OPN4: variants seen among roughly 807,000 people sequenced by gnomAD.
OPN4 encodes melanopsin.
OPN4 carries 43 observed loss-of-function variants against 49.5 expected under a neutral mutation model. The ratio of observed to expected loss-of-function variants is 0.87; its 90% CI spans 0.68 to 1.12. The LOEUF (loss-of-function observed/expected upper bound fraction) is 1.12. Among genes scored for constraint, OPN4 ranks in the 50% most tolerant of loss-of-function variants. The pLI is 0.00. For synonymous variants in OPN4, 263 were observed against 258.0 expected, an observed-to-expected ratio of 1.02 and a Z score of -0.19; for missense variants, 657 against 643.9, an observed-to-expected ratio of 1.02 and a Z score of -0.22.
chr10:86,665,817 C>A lies in OPN4; in HGVS notation c.*66C>A. On this transcript the variant is annotated 3_prime_UTR_variant, in exon 10 of 10. Transcript: ENST00000241891. ...CCCCCCCACGTCTCCCTCATATACA[C>A]AGACCCAGGATTATGCTGTGAGCCT... 1.6e-6 allele frequency: 2 copies of A among 1,261,112 alleles called. No individual in the cohort carries two copies. Among genetic ancestry groups the A allele is most frequent in the Non-Finnish European group, 2.3e-6 (2 of 866,088 alleles). 78.1% of individuals were successfully genotyped at this position (1,261,112 alleles called of 1,614,324 possible). A position where few individuals can be genotyped will look rare whatever the true frequency, so the allele number is the denominator to read the frequency against.
rs762195738 is a variant in OPN4 at position 86,659,487 on chromosome 10, G to C, written c.800+19G>C. On this transcript the variant is annotated intron_variant, in intron 5 of 9. Coordinates refer to ENST00000241891, the MANE Select transcript of OPN4 (RefSeq NM_033282.4). ...CAGGACGGTAAGAGCCGAGCATGGA[G>C]GGGGGCTACAGGAGGGGGACCGGCC... 6 of 1,611,750 alleles carry C rather than the reference G, an allele frequency of 3.7e-6. No homozygotes were observed. In the African/African-American group the frequency reaches 8.0e-5, roughly 22 times the overall value.
intron 9 of OPN4, among the ~76,000 whole-genome samples, chr10:86,664,988 G>A (rs1399406409): frequency 6.6e-6 from 1 of 152,220 alleles, no homozygotes; most frequent in Non-Finnish European, 1.5e-5. Flanking sequence ...AGTCCCTGAG[G>A]TTCCCCAGGA....
At position 86,665,726 on chromosome 10, in the gene OPN4, T is replaced by A. The variant is rs1458719328; in HGVS notation, c.1412T>A (p.Ile471Asn). The A allele has an allele frequency of 6.2e-7, 1 of 1,612,602 alleles. No homozygotes were observed. Among genetic ancestry groups the A allele is most frequent in the South Asian group, 1.1e-5 (1 of 91,066 alleles). The change falls in exon 10 of 10, where the codon ATC becomes AAC. Residue 471 changes from isoleucine (I) to asparagine (N), a missense_variant. Physicochemically the swap from Ile to Asn is moderately radical, Grantham distance 149 (BLOSUM62 -3). Coordinates refer to ENST00000241891, the MANE Select transcript of OPN4 (RefSeq NM_033282.4). Reference sequence around the variant, plus strand: ...GTTTGTTTGCAGACCAAGGGGCTGATCCCCAGCCAGGACCCCAGGATGTAG... The same window carrying A: ...GTTTGTTTGCAGACCAAGGGGCTGAACCCCAGCCAGGACCCCAGGATGTAG... ...AETPGKTKGL[I>N]PSQDPRM
intron 6 of OPN4, among the ~76,000 whole-genome samples, chr10:86,660,362 A>G (rs1024501814): frequency 1.3e-5 from 2 of 152,140 alleles, no homozygotes; most frequent in African/African-American, 4.8e-5. Flanking sequence ...CCCTCTCTGC[A>G]TGGGCTGTGG....
At chr10:86,661,496 C>A in intron 7 of OPN4, 108 bp downstream of exon 7, 1 of 783,196 alleles carries the variant, frequency 1.3e-6, no homozygotes, top group Non-Finnish European at 2.0e-6. Context: ...AGAATGGGGG[C>A]CACCAGCAGC....
In OPN4 at chr10:86,663,796, A is replaced by G; in HGVS notation, c.1392A>G (p.Pro464=). 1 of 1,552,252 alleles carries G rather than the reference A, an allele frequency of 6.4e-7. No individual in the cohort carries two copies. The highest frequency in any genetic ancestry group is 8.7e-7 in the Non-Finnish European group (1 of 1,147,954). The change falls in exon 9 of 10, where the codon CCA becomes CCG. Residue 464 remains proline, a synonymous_variant. Transcript: ENST00000241891. The part of the protein sequence containing the change: ...PRPQGHEAET[P]GKTKGLIPSQ... ...CCCAGGGACACGAAGCAGAGACTCC[A>G]GGGAAGGTGACTGGGCCCGGTACCT...
intron 3 of OPN4, 99 bp from the exon 4 acceptor site, chr10:86,658,385 G>A (rs944296822): frequency 2.0e-5 from 27 of 1,360,758 alleles, no homozygotes; most frequent in Middle Eastern, 1.8e-4. Context: ...GGTGGAGTGC[G>A]CTCAGTCCTG....
rs149522959 is a variant in OPN4, at chr10:86,666,070, A to G, written c.*319A>G. On this transcript the variant is annotated 3_prime_UTR_variant, in exon 10 of 10. Coordinates refer to ENST00000241891, the MANE Select transcript of OPN4 (RefSeq NM_033282.4). ...GCTGTGTGCTGCAATTGTCCAGGCG[A>G]TGACAATGGTGATGGCTCCAGAGAA... The G allele has an allele frequency of 1.0e-3, 392 of 392,976 alleles. 2 individuals carry two copies. The East Asian group carries it at 0.019, about 19-fold the overall frequency. 24.3% of individuals were successfully genotyped at this position (392,976 alleles called of 1,614,324 possible). A position where few individuals can be genotyped will look rare whatever the true frequency, so the allele number is the denominator to read the frequency against.
At position 86,665,905 on chromosome 10, in the gene OPN4, C is replaced by A; in HGVS notation, c.*154C>A. 1 of 634,728 alleles carries A rather than the reference C, an allele frequency of 1.6e-6. No homozygotes were observed. Among genetic ancestry groups the A allele is most frequent in the Non-Finnish European group, 2.8e-6 (1 of 359,740 alleles). 39.3% of individuals were successfully genotyped at this position (634,728 alleles called of 1,614,324 possible). A position where few individuals can be genotyped will look rare whatever the true frequency, so the allele number is the denominator to read the frequency against. ...GGGATTCACAGCCCCAGCCCCATGG[C>A]CCCTCTCCACACCTCAAAACTCCTG... is the stretch of plus-strand genomic sequence containing the variant. On this transcript the variant is annotated 3_prime_UTR_variant, in exon 10 of 10. Transcript: ENST00000241891.
At chr10:86,665,367 G>A (rs1156421050) in intron 9 of OPN4, among the ~76,000 whole-genome samples, 2 of 152,122 alleles carry the variant, frequency 1.3e-5, no homozygotes, top group Non-Finnish European at 2.9e-5. Context: ...GGCAGGAAAG[G>A]GATGACCCAT....
intron 2 of OPN4, chr10:86,657,368 G>A (rs1589585976): frequency 6.1e-6 from 4 of 657,916 alleles, no homozygotes; most frequent in Non-Finnish European, 8.4e-6. Flanking sequence ...TGCAAAGATG[G>A]ATGATGACAG....
intron 6 of OPN4, 60 bp downstream of exon 6, chr10:86,660,119 C>G: frequency 6.4e-7 from 1 of 1,574,786 alleles, no homozygotes. Flanking sequence ...GAGCAAGAAG[C>G]CTGGCCAGCC....
At chr10:86,655,763 G>A (rs1231060067) in intron 1 of OPN4, among the ~76,000 whole-genome samples, 1 of 152,206 alleles carries the variant, frequency 6.6e-6, no homozygotes, top group African/African-American at 2.4e-5. Flanking sequence ...CTCAAAAACT[G>A]TCTTGGGCCC....
chr10:86,659,272 G>T (rs773887539), intron 4 of OPN4, 25 bp from the exon 5 acceptor site: 4 of 1,598,984 alleles, frequency 2.5e-6, no homozygotes, highest in South Asian at 1.1e-5. Flanking sequence ...CGCCCCAAAG[G>T]CTGAGCACCT....
At position 86,662,237 on chromosome 10, in the gene OPN4, G is replaced by A. The variant is rs1163174879; in HGVS notation, c.1074-15G>A. On this transcript the variant is annotated splice_polypyrimidine_tract_variant and intron_variant, in intron 7 of 9. Coordinates refer to ENST00000241891, the MANE Select transcript of OPN4 (RefSeq NM_033282.4). The stretch of plus-strand genomic sequence containing the variant: ...GCCCATCCCCTGGCCCTAATCAGAT[G>A]TGCGGCCCCTGCAGGGTGGCCATTG... 1.9e-6 allele frequency: 3 copies of A among 1,605,586 alleles called. No individual in the cohort carries two copies. The African/African-American group carries it at 4.0e-5, about 21-fold the overall frequency.
chr10:86,666,269 C>T lies in OPN4; in HGVS notation c.*518C>T. Reference sequence around the variant, plus strand: ...CCCCAGTGTACCGTTCCACTGTGGCCCACATTCTTGTGCACGCGGGCATTT... The same window carrying T: ...CCCCAGTGTACCGTTCCACTGTGGCTCACATTCTTGTGCACGCGGGCATTT... On this transcript the variant is annotated 3_prime_UTR_variant, in exon 10 of 10. Coordinates refer to ENST00000241891, the MANE Select transcript of OPN4 (RefSeq NM_033282.4). 1 of 188,554 alleles carries T rather than the reference C, an allele frequency of 5.3e-6. No homozygotes were observed. The highest frequency in any genetic ancestry group is 1.1e-5 in the Non-Finnish European group (1 of 90,224). The allele number at this position is 188,554 out of a possible 1,614,324, so 11.7% of individuals were successfully genotyped here.
rs954455774 is a variant in OPN4, at chr10:86,656,211, C to T, written c.201C>T (p.Asp67=). The change falls in exon 2 of 10, where the codon GAC becomes GAT. Residue 67 remains aspartate (D), a synonymous_variant. Coordinates refer to ENST00000241891, the MANE Select transcript of OPN4 (RefSeq NM_033282.4). ...CCCTCCCCACGGTTGATGTTCCAGA[C>T]CATGCCCACTATACCCTGGGCACAG... ...WVPLPTVDVP[D]HAHYTLGTVI... The T allele has an allele frequency of 2.5e-6, 4 of 1,614,192 alleles. No homozygotes were observed. The highest frequency in any genetic ancestry group is 3.4e-6 in the Non-Finnish European group (4 of 1,180,036).
intron 3 of OPN4, 139 bp downstream of exon 3, chr10:86,658,304 A>T: frequency 7.7e-7 from 1 of 1,306,470 alleles, no homozygotes; most frequent in Non-Finnish European, 1.1e-6. Flanking sequence ...CCTGTGAGTA[A>T]GCAAGAAGGG....
intron 6 of OPN4, 151 bp from the exon 7 acceptor site, chr10:86,661,130 A>T: frequency 1.6e-6 from 1 of 629,810 alleles, no homozygotes; most frequent in Non-Finnish European, 2.8e-6. Context: ...AAAAAAAATT[A>T]TCCTGGCACT....
Sources: allele counts gnomAD v4.1 joint callset (sites outside exome capture counted in the v4.1 genomes callset), GRCh38; gene constraint gnomAD v4.1.1; transcripts MANE v1.5; gene names NCBI Gene and HGNC (gene_info 2026-07-23, HGNC 2026-07-21).